Variants in PARD3B observed in about 807,000 individuals in gnomAD.
PARD3B encodes partitioning defective 3 homolog B.
PARD3B carries 103 observed loss-of-function variants against 130.2 expected under a neutral mutation model. The ratio of observed to expected loss-of-function variants is 0.79; its 90% CI spans 0.67 to 0.93. The LOEUF is 0.93. Ranked by LOEUF, PARD3B falls within the 40% of genes least tolerant of loss-of-function variation. The pLI is 0.00. For synonymous variants in PARD3B, 583 were observed against 553.2 expected (o/e 1.05, Z -0.76); for missense variants, 1,609 against 1,499.2 (o/e 1.07, Z -1.21).
intron 21 of PARD3B, among the ~76,000 whole-genome samples, chr2:205,518,563 C>A (rs1396001319): frequency 6.6e-6 from 1 of 152,084 alleles, no homozygotes; most frequent in Non-Finnish European, 1.5e-5. Context: ...TTAAGTGAGG[C>A]ATTTAGCCTG....
chr2:205,117,056 AT>A (rs371994471), intron 6 of PARD3B, among the ~76,000 whole-genome samples: 479 of 152,322 alleles, frequency 3.1e-3, no homozygotes, highest in African/African-American at 9.3e-3. Context: ...TGTTAAAAAA[AT>A]ATCACTTACA....
intron 2 of PARD3B, among the ~76,000 whole-genome samples, chr2:204,936,764 T>C (rs962767097): frequency 2.0e-5 from 3 of 152,234 alleles, no homozygotes; most frequent in Non-Finnish European, 1.5e-5. Context: ...TTAACCATGA[T>C]TAACTGACAA....
At chr2:205,118,412 A>G (rs1417562144) in intron 6 of PARD3B, among the ~76,000 whole-genome samples, 1 of 152,206 alleles carries the variant, frequency 6.6e-6, no homozygotes, top group Non-Finnish European at 1.5e-5. Context: ...GCACCAACAA[A>G]TGGGATCCAG....
At chr2:205,285,007 T>TTG (rs1553659026) in intron 16 of PARD3B, among the ~76,000 whole-genome samples, 10 of 151,782 alleles carry the variant, frequency 6.6e-5, no homozygotes, top group Non-Finnish European at 1.3e-4. Flanking sequence ...TTTTTTTTTT[T>TTG]TGTGGGAGTA....
intron 2 of PARD3B, among the ~76,000 whole-genome samples, chr2:204,813,433 T>C (rs2043033807): frequency 6.6e-6 from 1 of 152,128 alleles, no homozygotes; most frequent in Non-Finnish European, 1.5e-5. Context: ...CAGGCCTTTA[T>C]TTGATATATG....
chr2:205,367,316 A>G (rs1014386443), intron 18 of PARD3B, among the ~76,000 whole-genome samples: 7 of 152,210 alleles, frequency 4.6e-5, no homozygotes, highest in African/African-American at 1.2e-4. Context: ...GAGTCATGCT[A>G]TGAAGGGTGG....
At chr2:205,083,140 C>T (rs1453676440) in intron 4 of PARD3B, among the ~76,000 whole-genome samples, 2 of 151,818 alleles carry the variant, frequency 1.3e-5, no homozygotes, top group African/African-American at 2.4e-5. Context: ...AGGTTGGTCT[C>T]GAACTCCTGA....
intron 3 of PARD3B, among the ~76,000 whole-genome samples, chr2:205,027,943 T>G (rs2125352251): frequency 6.6e-6 from 1 of 152,262 alleles, no homozygotes; most frequent in African/African-American, 2.4e-5. Context: ...TTTATGCCAA[T>G]ACCATACTGT....
At chr2:204,965,130 G>C in intron 2 of PARD3B, 22 bp from the exon 3 acceptor site, 1 of 1,609,348 alleles carries the variant, frequency 6.2e-7, no homozygotes, top group Non-Finnish European at 8.5e-7. Context: ...AAAGTAATTA[G>C]TGTTGTTGGA....
intron 2 of PARD3B, among the ~76,000 whole-genome samples, chr2:204,855,928 A>G (rs2044917133): frequency 6.6e-6 from 1 of 152,078 alleles, no homozygotes; most frequent in Admixed American, 6.6e-5. Flanking sequence ...AACATACCAC[A>G]TTTTCTTTAT....
chr2:205,363,439 T>C (rs1233161822), intron 18 of PARD3B, among the ~76,000 whole-genome samples: 1 of 152,172 alleles, frequency 6.6e-6, no homozygotes, highest in Non-Finnish European at 1.5e-5. Context: ...GGTCAACAAA[T>C]TGACTAAGAC....
rs534700431 is a variant in PARD3B, at chr2:204,809,827, T to G, written c.222+123545T>G. 1.7e-4 allele frequency among the ~76,000 whole-genome samples: 26 copies of G among 152,320 alleles called. No individual in the cohort carries two copies. In the Middle Eastern group the frequency reaches 0.014, roughly 80 times the overall value. On this transcript the variant is annotated intron_variant, in intron 2 of 22. Transcript: ENST00000406610. ...AATAGCATTGAATCTGTAAGTTGCT[T>G]TGGGCACTATGGCCATTTTAATGAT...
chr2:205,058,314 A>G (rs924191742), intron 4 of PARD3B, among the ~76,000 whole-genome samples: 2 of 151,972 alleles, frequency 1.3e-5, no homozygotes, highest in Non-Finnish European at 2.9e-5. Context: ...ATACAAATAT[A>G]CCACATTTTG....
intron 2 of PARD3B, among the ~76,000 whole-genome samples, chr2:204,694,176 C>G (rs1221740627): frequency 6.6e-6 from 1 of 152,006 alleles, no homozygotes; most frequent in Non-Finnish European, 1.5e-5. Flanking sequence ...TCCTGCTGTT[C>G]AGTTCTTATG....
At chr2:204,770,567 A>G (rs560485148) in intron 2 of PARD3B, among the ~76,000 whole-genome samples, 5 of 152,192 alleles carry the variant, frequency 3.3e-5, no homozygotes, top group Non-Finnish European at 7.4e-5. Context: ...TAATGTGGCA[A>G]CGTTCTTTGA....
At chr2:204,895,304 G>A (rs2046600987) in intron 2 of PARD3B, among the ~76,000 whole-genome samples, 1 of 152,098 alleles carries the variant, frequency 6.6e-6, no homozygotes, top group African/African-American at 2.4e-5. Context: ...TAAACCAAAA[G>A]CTTTTTATGC....
At chr2:204,990,798 A>C (rs1575495299) in intron 3 of PARD3B, among the ~76,000 whole-genome samples, 1 of 152,254 alleles carries the variant, frequency 6.6e-6, no homozygotes, top group Non-Finnish European at 1.5e-5. Flanking sequence ...CCCTACCTAA[A>C]GCCATAGAGA....
Position 205,291,138 on chromosome 2 carries a change from GAA to G in PARD3B, c.2186-9390_2186-9389del, listed in dbSNP as rs889835771. Among the ~76,000 whole-genome samples, 6 of 152,162 alleles carry G rather than the reference GAA, an allele frequency of 3.9e-5. No homozygotes were observed. The highest frequency in any genetic ancestry group is 1.4e-4 in the African/African-American group (6 of 41,442). On this transcript the variant is annotated intron_variant, in intron 16 of 22. Coordinates refer to ENST00000406610, the MANE Select transcript of PARD3B (RefSeq NM_001302769.2). The surrounding 1 kb of genome is among the most constrained non-coding windows in gnomAD (Gnocchi z 4.6). Reference sequence around the variant, plus strand: ...TGAAACTGGGTAATGGGTGGAGGCTGAAAGAGTTTTTAAGTGCATGCTTAAAA... The same window carrying G: ...TGAAACTGGGTAATGGGTGGAGGCTGAGAGTTTTTAAGTGCATGCTTAAAA...
Position 204,673,712 on chromosome 2 carries a change from T to C in PARD3B, c.121-12469T>C, listed in dbSNP as rs902545509. ...ACTCCCCATCCTCCTCATCCTACTGTATTTTATCTCTCAAATTGCTTATCA... is the reference window on the plus strand; with the variant it reads ...ACTCCCCATCCTCCTCATCCTACTGCATTTTATCTCTCAAATTGCTTATCA... On this transcript the variant is annotated intron_variant, in intron 1 of 22. Coordinates refer to ENST00000406610, the MANE Select transcript of PARD3B (RefSeq NM_001302769.2). The surrounding 1 kb of genome is among the most constrained non-coding windows in gnomAD (Gnocchi z 4.7). Among the ~76,000 whole-genome samples the C allele has an allele frequency of 6.6e-6, 1 of 152,234 alleles. No homozygotes were observed. Among genetic ancestry groups the C allele is most frequent in the Non-Finnish European group, 1.5e-5 (1 of 68,040 alleles).
Sources: allele counts gnomAD v4.1 joint callset (sites outside exome capture counted in the v4.1 genomes callset), GRCh38; gene constraint gnomAD v4.1.1; non-coding constraint Gnocchi (gnomAD v3.1); transcripts MANE v1.5; gene names NCBI Gene and HGNC (gene_info 2026-07-23, HGNC 2026-07-21).